The following DCC variants were observed in gnomAD, a reference collection of about 807,000 sequenced individuals.
The protein encoded by DCC is DCC netrin 1 receptor, also known as netrin receptor DCC.
Under a neutral mutation model 172.5 loss-of-function variants are expected in DCC, and 58 were observed. The observed-to-expected ratio is 0.34, with a 90% confidence interval of 0.27 to 0.42. The LOEUF (loss-of-function observed/expected upper bound fraction) is 0.42. DCC is among the 10% of genes least tolerant of loss of function. The pLI is 1.00. For synonymous variants in DCC, 709 were observed against 644.5 expected (o/e 1.10, Z -1.52); for missense variants, 1,740 against 1,791.0 (o/e 0.97, Z 0.51).
At chr18:52,622,026 C>G (rs1360658329) in intron 1 of DCC, among the ~76,000 whole-genome samples, 1 of 152,118 alleles carries the variant, frequency 6.6e-6, no homozygotes, top group Non-Finnish European at 1.5e-5. Flanking sequence ...TCCGTGAACA[C>G]ACTCACAGAG....
At chr18:53,530,443 G>C (rs1490214676) in intron 28 of DCC, 121 bp from the exon 29 acceptor site, 2 of 751,190 alleles carry the variant, frequency 2.7e-6, no homozygotes, top group Non-Finnish European at 2.5e-6. Context: ...GACAGCCCTG[G>C]CTGTGGTCTC....
chr18:52,393,330 G>A (rs567116522), intron 1 of DCC, among the ~76,000 whole-genome samples: 78 of 152,074 alleles, frequency 5.1e-4, no homozygotes, highest in Non-Finnish European at 8.4e-4. Flanking sequence ...CACATCAGAT[G>A]GTTCTAACAT....
chr18:52,800,941 G>T (rs886593961), intron 2 of DCC, among the ~76,000 whole-genome samples: 1 of 152,114 alleles, frequency 6.6e-6, no homozygotes, highest in Non-Finnish European at 1.5e-5. Flanking sequence ...GTATTGGCAG[G>T]GTGCATCATT....
chr18:53,228,783 C>A (rs1041355118), intron 12 of DCC, among the ~76,000 whole-genome samples: 9 of 152,104 alleles, frequency 5.9e-5, no homozygotes, highest in Non-Finnish European at 8.8e-5. Context: ...CTTTAAGGAA[C>A]ATAACAATAC....
Position 53,113,901 on chromosome 18 carries a change from A to T in DCC, c.1262-43455A>T, listed in dbSNP as rs142676057. ...TAATCTTAACTAAGCCTTGCCAATG[A>T]TGTTTTAATTATACCTTTACTATAT... On this transcript the variant is annotated intron_variant, in intron 7 of 28. Coordinates refer to ENST00000442544, the MANE Select transcript of DCC (RefSeq NM_005215.4). Among the ~76,000 whole-genome samples, 545 of 151,482 alleles carry T rather than the reference A, an allele frequency of 3.6e-3. 4 individuals carry two copies. Among genetic ancestry groups the T allele is most frequent in the African/African-American group, 0.013 (526 of 41,432 alleles).
chr18:53,014,672 A>G (rs1431179319), intron 5 of DCC, among the ~76,000 whole-genome samples: 5 of 152,084 alleles, frequency 3.3e-5, no homozygotes, highest in African/African-American at 4.8e-5. Context: ...TGAAATTTAA[A>G]GAGAAGATAC....
At chr18:53,274,905 C>T (rs2056788795) in intron 12 of DCC, among the ~76,000 whole-genome samples, 1 of 152,046 alleles carries the variant, frequency 6.6e-6, no homozygotes, top group Non-Finnish European at 1.5e-5. Context: ...GATTCTTCTG[C>T]ATATTACAGT....
intron 12 of DCC, among the ~76,000 whole-genome samples, chr18:53,280,966 A>G (rs1039373991): frequency 2.0e-5 from 3 of 151,996 alleles, no homozygotes; most frequent in Non-Finnish European, 4.4e-5. Context: ...ATAGAGAAAA[A>G]GTAGCAGTGT....
intron 5 of DCC, among the ~76,000 whole-genome samples, chr18:53,013,643 A>G (rs1216382518): frequency 5.9e-5 from 9 of 151,652 alleles, no homozygotes; most frequent in Non-Finnish European, 1.3e-4. Flanking sequence ...AACCACCATG[A>G]CACACGTATA....
At chr18:52,431,258 C>T (rs982575481) in intron 1 of DCC, among the ~76,000 whole-genome samples, 5 of 151,894 alleles carry the variant, frequency 3.3e-5, no homozygotes, top group South Asian at 2.1e-4. Flanking sequence ...TTGTGAATCA[C>T]TGCTCTAGTC....
rs547219772 is a variant in DCC at position 53,350,779 on chromosome 18, T to C, written c.2359+10872T>C. Among the ~76,000 whole-genome samples the C allele has an allele frequency of 1.8e-4, 28 of 152,198 alleles. 1 individual carries two copies. The highest frequency in any genetic ancestry group is 3.4e-3 in the Middle Eastern group (1 of 294). On this transcript the variant is annotated intron_variant, in intron 15 of 28. Transcript: ENST00000442544. Reference sequence around the variant, plus strand: ...TTATATTGTGGTCATTGCAATAATATGAAAATTTAATTAGTATTAATTTAA... The same window carrying C: ...TTATATTGTGGTCATTGCAATAATACGAAAATTTAATTAGTATTAATTTAA...
chr18:53,159,117 G>C (rs937758354), intron 8 of DCC, among the ~76,000 whole-genome samples: 2 of 151,788 alleles, frequency 1.3e-5, no homozygotes, highest in African/African-American at 4.8e-5. Flanking sequence ...GTGATCTTAC[G>C]ATGCCTCCTG....
intron 5 of DCC, among the ~76,000 whole-genome samples, chr18:52,977,102 G>A (rs749683495): frequency 3.3e-5 from 5 of 151,922 alleles, no homozygotes; most frequent in East Asian, 1.9e-4. Flanking sequence ...CACACTTCTC[G>A]TGCAGAAAAA....
intron 1 of DCC, among the ~76,000 whole-genome samples, chr18:52,495,969 A>G (rs961759237): frequency 1.3e-5 from 2 of 152,064 alleles, no homozygotes; most frequent in Non-Finnish European, 2.9e-5. Flanking sequence ...TATGTTTATA[A>G]GGAGGATTAG....
chr18:53,012,285 C>T (rs1445470688), intron 5 of DCC, among the ~76,000 whole-genome samples: 3 of 151,930 alleles, frequency 2.0e-5, no homozygotes, highest in South Asian at 2.1e-4. Context: ...GGAAACAACC[C>T]TAGTATACAT....
intron 1 of DCC, among the ~76,000 whole-genome samples, chr18:52,702,742 C>A (rs1159096065): frequency 6.6e-6 from 1 of 152,136 alleles, no homozygotes; most frequent in African/African-American, 2.4e-5. Context: ...TGCAAATTGT[C>A]ATCCTTCATT....
intron 5 of DCC, among the ~76,000 whole-genome samples, chr18:52,953,000 CAAAA>C (rs11315976): frequency 0.091 from 4,714 of 51,910 alleles, 95 homozygotes; most frequent in Middle Eastern, 0.19. Flanking sequence ...TCTCCTGTCT[CAAAA>C]AAAAAAAAAA....
At chr18:52,878,787 T>C (rs1183164618) in intron 2 of DCC, among the ~76,000 whole-genome samples, 1 of 152,218 alleles carries the variant, frequency 6.6e-6, no homozygotes, top group Non-Finnish European at 1.5e-5. Context: ...TAAACAATTG[T>C]TGAAAAAGTA....
intron 15 of DCC, among the ~76,000 whole-genome samples, chr18:53,343,863 G>C (rs756774044): frequency 2.0e-5 from 3 of 151,768 alleles, no homozygotes; most frequent in Admixed American, 1.3e-4. Flanking sequence ...AAACTTTCTT[G>C]TATTGATTTT....
Sources: allele counts gnomAD v4.1 joint callset (sites outside exome capture counted in the v4.1 genomes callset), GRCh38; gene constraint gnomAD v4.1.1; transcripts MANE v1.5; gene names NCBI Gene and HGNC (gene_info 2026-07-23, HGNC 2026-07-21).